Variants in ALDH1L2 observed in about 807,000 individuals in gnomAD.
The protein encoded by ALDH1L2 is mitochondrial 10-formyltetrahydrofolate dehydrogenase.
In ALDH1L2, 91 loss-of-function variants were observed where a neutral mutation model predicts 111.0. The ratio of observed to expected loss-of-function variants is 0.82; its 90% CI spans 0.69 to 0.98. ALDH1L2 has a LOEUF of 0.98. ALDH1L2 is among the 50% of genes least tolerant of loss of function. ALDH1L2 has a pLI of 0.00. For synonymous variants in ALDH1L2, 374 were observed against 392.6 expected, an observed-to-expected ratio of 0.95 and a Z score of 0.56; for missense variants, 995 against 1,126.8, an observed-to-expected ratio of 0.88 and a Z score of 1.67.
At chr12:105,075,567 A>T (rs1047628696) in intron 1 of ALDH1L2, among the ~76,000 whole-genome samples, 3 of 152,192 alleles carry the variant, frequency 2.0e-5, no homozygotes, top group Non-Finnish European at 4.4e-5. Flanking sequence ...CCTGGGCAAC[A>T]AGAGTGAAAC....
At chr12:105,028,356 G>A (rs1214648839) in intron 21 of ALDH1L2, among the ~76,000 whole-genome samples, 5 of 152,052 alleles carry the variant, frequency 3.3e-5, no homozygotes, top group African/African-American at 7.2e-5. Flanking sequence ...CAAGTGATCC[G>A]CCTGCCTTGG....
intron 2 of ALDH1L2, among the ~76,000 whole-genome samples, chr12:105,071,642 A>ATATATATATGTTTTT (rs1555227710): frequency 9.2e-5 from 1 of 10,886 alleles, no homozygotes; most frequent in African/African-American, 4.3e-4. Flanking sequence ...ATATATATAT[A>ATATATATATGTTTTT]TTTTTTTTTT....
At chr12:105,075,311 G>A (rs555730978) in intron 1 of ALDH1L2, among the ~76,000 whole-genome samples, 9 of 152,336 alleles carry the variant, frequency 5.9e-5, no homozygotes, top group East Asian at 1.9e-4. Flanking sequence ...TTGGCCGGGC[G>A]CGGTGGCTCA....
intron 15 of ALDH1L2, among the ~76,000 whole-genome samples, chr12:105,045,155 C>G (rs11112335): frequency 0.1 from 15,671 of 152,202 alleles, 912 homozygotes; most frequent in Middle Eastern, 0.16. Context: ...GCAACCTCCG[C>G]TCACTGCAAC....
chr12:105,058,255 T>G (rs1443429409), intron 9 of ALDH1L2, 35 bp from the exon 10 acceptor site: 1 of 1,576,706 alleles, frequency 6.3e-7, no homozygotes, highest in African/African-American at 1.4e-5. Flanking sequence ...TTACTTAGAT[T>G]TTTAAAAGGG....
At chr12:105,035,930 T>TTA (rs569966806) in intron 18 of ALDH1L2, among the ~76,000 whole-genome samples, 2 of 104,070 alleles carry the variant, frequency 1.9e-5, no homozygotes, top group Non-Finnish European at 3.5e-5. Context: ...ATACATATAT[T>TTA]TATATGTGTA....
intron 9 of ALDH1L2, among the ~76,000 whole-genome samples, chr12:105,058,432 A>G (rs1274231779): frequency 6.6e-6 from 1 of 152,206 alleles, no homozygotes; most frequent in Non-Finnish European, 1.5e-5. Flanking sequence ...GCAGTTTTTT[A>G]AAACTTTATC....
At position 105,038,756 on chromosome 12, in the gene ALDH1L2, G is replaced by A. The variant is rs140251601; in HGVS notation, c.2046-554C>T. ...GATTACCATTGAAGCTGAGTGATGA[G>A]TACATAAAATTCATTTTGCTTTTCT... On this transcript the variant is annotated intron_variant, in intron 17 of 22. Coordinates refer to ENST00000258494, the MANE Select transcript of ALDH1L2 (RefSeq NM_001034173.4). Among the ~76,000 whole-genome samples, 232 of 152,262 alleles carry A rather than the reference G, an allele frequency of 1.5e-3. 2 individuals carry two copies. The highest frequency in any genetic ancestry group is 3.9e-3 in the South Asian group (19 of 4,828).
intron 7 of ALDH1L2, 26 bp from the exon 8 acceptor site, chr12:105,061,778 T>A: frequency 6.2e-7 from 1 of 1,613,442 alleles, no homozygotes. Context: ...AAAACAAGCA[T>A]AAAAATTGAG....
chr12:105,043,501 C>A (rs1402363755), intron 15 of ALDH1L2, among the ~76,000 whole-genome samples: 2 of 152,184 alleles, frequency 1.3e-5, no homozygotes, highest in Non-Finnish European at 2.9e-5. Context: ...AAGTTATCAA[C>A]ACTGTTGAAA....
intron 14 of ALDH1L2, 23 bp downstream of exon 14, chr12:105,046,876 C>T (rs762709584): frequency 1.9e-6 from 3 of 1,613,640 alleles, no homozygotes; most frequent in Non-Finnish European, 2.5e-6. Flanking sequence ...ATGATTCACT[C>T]AGAGGCACTC....
At chr12:105,063,162 C>G in intron 6 of ALDH1L2, 140 bp from the exon 7 acceptor site, 2 of 1,001,982 alleles carry the variant, frequency 2.0e-6, no homozygotes, top group South Asian at 4.2e-5. Flanking sequence ...ATGGGAGAAA[C>G]TGTCTCAAAC....
At position 105,045,560 on chromosome 12, in the gene ALDH1L2, T is replaced by C. The variant is rs568392821; in HGVS notation, c.1863+1150A>G. Reference sequence around the variant, plus strand: ...ATCTCTGGGATATCTAAGCCACTAATAGATAACAATCACATTGGTTGTCTC... The same window carrying C: ...ATCTCTGGGATATCTAAGCCACTAACAGATAACAATCACATTGGTTGTCTC... On this transcript the variant is annotated intron_variant, in intron 15 of 22. Coordinates refer to ENST00000258494, the MANE Select transcript of ALDH1L2 (RefSeq NM_001034173.4). Among the ~76,000 whole-genome samples the C allele has an allele frequency of 1.2e-4, 18 of 152,220 alleles. No individual in the cohort carries two copies. In the South Asian group the frequency reaches 3.7e-3, roughly 32 times the overall value.
rs1176758161 is a variant in ALDH1L2, at chr12:105,023,805, C to T, written c.*619G>A. Reference sequence around the variant, plus strand: ...ACTATGTGGGGGCCAGCCATCATATCATTAAATTCTCTATACTCCTCAGAA... The same window carrying T: ...ACTATGTGGGGGCCAGCCATCATATTATTAAATTCTCTATACTCCTCAGAA... On this transcript the variant is annotated 3_prime_UTR_variant, in exon 23 of 23. Coordinates refer to ENST00000258494, the MANE Select transcript of ALDH1L2 (RefSeq NM_001034173.4). 6.6e-6 allele frequency: 1 copy of T among 152,138 alleles called. No homozygotes were observed. Among genetic ancestry groups the T allele is most frequent in the East Asian group, 1.9e-4 (1 of 5,202 alleles). The allele number at this position is 152,138 out of a possible 1,614,324, so 9.4% of individuals were successfully genotyped here. A position where few individuals can be genotyped will look rare whatever the true frequency, so the allele number is the denominator to read the frequency against.
chr12:105,038,749 G>GT (rs1394058050), intron 17 of ALDH1L2, among the ~76,000 whole-genome samples: 1 of 152,162 alleles, frequency 6.6e-6, no homozygotes, highest in African/African-American at 2.4e-5. Context: ...TTGAAGCTGA[G>GT]TGATGAGTAC....
chr12:105,070,755 C>T lies in ALDH1L2; in HGVS notation c.243G>A (p.Trp81Ter), dbSNP rs759837940. ...CTTTGATGGTCTTGCCCTTGACCCTCCATTTAGGAAGCTTGAACACAGGGG... is the reference window on the plus strand; with the variant it reads ...CTTTGATGGTCTTGCCCTTGACCCTTCATTTAGGAAGCTTGAACACAGGGG... ...DGTPVFKLPK[W>*]RVKGKTIKEV... is the part of the protein sequence containing the mutation. The change falls in exon 3 of 23, where the codon TGG (tryptophan) becomes TGA (stop). Residue 81 changes from tryptophan (W) to a stop codon, truncating the protein, a stop_gained. Transcript: ENST00000258494. LOFTEE classifies it high-confidence loss of function. 3.7e-6 allele frequency: 6 copies of T among 1,614,170 alleles called. No individual in the cohort carries two copies. Among genetic ancestry groups the T allele is most frequent in the Non-Finnish European group, 5.1e-6 (6 of 1,180,030 alleles).
intron 9 of ALDH1L2, 150 bp downstream of exon 9, chr12:105,060,831 A>G (rs1339242795): frequency 2.3e-6 from 1 of 430,990 alleles, no homozygotes; most frequent in Non-Finnish European, 3.9e-6. Flanking sequence ...TCTCAGGAAA[A>G]AAAAAAAAAA....
At chr12:105,042,402 G>GTTT (rs554610250) in intron 15 of ALDH1L2, among the ~76,000 whole-genome samples, 55 of 130,218 alleles carry the variant, frequency 4.2e-4, no homozygotes, top group African/African-American at 1.3e-3. Flanking sequence ...ATGTATTTGG[G>GTTT]TTTTTTTGTT....
Position 105,039,788 on chromosome 12 carries a change from C to T in ALDH1L2, c.1970G>A (p.Arg657His), listed in dbSNP as rs762138228. Residue 657 changes from arginine to histidine, a missense_variant, in exon 17 of 23, where the codon CGT becomes CAT. Arg to His is a conservative substitution (Grantham distance 29, BLOSUM62 0). Transcript: ENST00000258494. Reference protein sequence around the residue: ...IPGSGGIAGQRLSEHPDIRKL... With the variant: ...IPGSGGIAGQHLSEHPDIRKL... ...GCGGATGTCAGGATGTTCAGACAGA[C>T]GTTGTCCTGCTATGCCACCTGTAGA... is the stretch of plus-strand genomic sequence containing the variant. The T allele has an allele frequency of 1.5e-5, 25 of 1,613,866 alleles. No homozygotes were observed. The highest frequency in any genetic ancestry group is 2.1e-5 in the Non-Finnish European group (25 of 1,179,950).
Sources: gnomAD v4.1 joint callset for allele counts (sites outside exome capture counted in the v4.1 genomes callset) on GRCh38, gnomAD v4.1.1 for gene constraint, MANE v1.5 for transcripts, NCBI Gene and HGNC (gene_info 2026-07-23, HGNC 2026-07-21) for gene names.